The following ACBD6 variants were observed in gnomAD, a reference collection of about 807,000 sequenced individuals.
The protein encoded by ACBD6 is acyl-CoA-binding domain-containing protein 6.
Under a neutral mutation model 37.2 loss-of-function variants are expected in ACBD6, and 28 were observed. The observed-to-expected ratio is 0.75, with a 90% CI of 0.56 to 1.03. The LOEUF (loss-of-function observed/expected upper bound fraction) is 1.03. ACBD6 is among the 50% of genes least tolerant of loss of function. The pLI, the probability that ACBD6 is intolerant of heterozygous loss-of-function variation, is 0.00. For synonymous variants in ACBD6, 113 were observed against 126.8 expected (o/e 0.89, Z 0.73); for missense variants, 340 against 337.4 (o/e 1.01, Z -0.06).
intron 6 of ACBD6, among the ~76,000 whole-genome samples, chr1:180,363,432 G>C (rs1373481596): frequency 6.6e-6 from 1 of 152,182 alleles, no homozygotes; most frequent in African/African-American, 2.4e-5. Context: ...CAAAAGTATG[G>C]AAATTTTTCA....
At chr1:180,308,737 T>C (rs992889059) in intron 7 of ACBD6, among the ~76,000 whole-genome samples, 21 of 152,306 alleles carry the variant, frequency 1.4e-4, no homozygotes, top group East Asian at 1.3e-3. Context: ...CCAGGTTGCG[T>C]TGGCATTGAA....
chr1:180,413,648 A>G (rs970224658), intron 4 of ACBD6, among the ~76,000 whole-genome samples, 177 bp from the exon 5 acceptor site: 1 of 152,180 alleles, frequency 6.6e-6, no homozygotes, highest in African/African-American at 2.4e-5. Flanking sequence ...TGAAAAGACT[A>G]AAGTTCTTAG....
chr1:180,489,200 G>T (rs2102084322), intron 3 of ACBD6, among the ~76,000 whole-genome samples: 1 of 152,108 alleles, frequency 6.6e-6, no homozygotes, highest in South Asian at 2.1e-4. Context: ...CATTCAGAAT[G>T]AGTGTTGTTC....
chr1:180,368,397 A>G (rs1653129652), intron 6 of ACBD6, among the ~76,000 whole-genome samples: 1 of 151,996 alleles, frequency 6.6e-6, no homozygotes, highest in Non-Finnish European at 1.5e-5. Flanking sequence ...CCTATCTGTC[A>G]ATTTTTGCTT....
intron 1 of ACBD6, among the ~76,000 whole-genome samples, chr1:180,501,426 C>T (rs1189444883): frequency 1.3e-5 from 2 of 152,140 alleles, no homozygotes; most frequent in South Asian, 2.1e-4. Flanking sequence ...TCTTCGCTCA[C>T]CGCAACCTCC....
chr1:180,478,495 T>TC (rs199947892), intron 3 of ACBD6, among the ~76,000 whole-genome samples: 16 of 151,260 alleles, frequency 1.1e-4, no homozygotes, highest in African/African-American at 3.9e-4. Flanking sequence ...ATCTCTCTTT[T>TC]TTTTTTTTTT....
chr1:180,440,272 C>A (rs935124157), intron 3 of ACBD6, among the ~76,000 whole-genome samples: 1 of 152,044 alleles, frequency 6.6e-6, no homozygotes, highest in South Asian at 2.1e-4. Context: ...TGACACCCGA[C>A]TAATTTTTGC....
intron 3 of ACBD6, among the ~76,000 whole-genome samples, chr1:180,464,222 T>C (rs1468143432): frequency 6.6e-6 from 1 of 152,182 alleles, no homozygotes; most frequent in Non-Finnish European, 1.5e-5. Flanking sequence ...AGAAAGGGCA[T>C]TCAAATAGTA....
rs12096761 is a variant in ACBD6, at chr1:180,480,726, T to C, written c.384+11543A>G. ...TTTAACTTTAAAAAAAATCAGAAGA[T>C]GTCACTTAAAAAATGAGATTTCAGG... On this transcript the variant is annotated intron_variant, in intron 3 of 7. Coordinates refer to ENST00000367595, the MANE Select transcript of ACBD6 (RefSeq NM_032360.4). 7.1e-3 allele frequency among the ~76,000 whole-genome samples: 1,074 copies of C among 152,180 alleles called. 8 individuals carry two copies. Among genetic ancestry groups the C allele is most frequent in the African/African-American group, 0.024 (1,003 of 41,518 alleles).
At chr1:180,275,887 A>T (rs1423790704) in intron 9 of ACBD6, 3 of 152,260 alleles carry the variant, frequency 2.0e-5, no homozygotes, top group Non-Finnish European at 4.4e-5. Flanking sequence ...GCAGTAGCAA[A>T]TCACTAAGCC....
intron 6 of ACBD6, among the ~76,000 whole-genome samples, chr1:180,392,385 T>A (rs532099614): frequency 1.2e-3 from 185 of 152,228 alleles, no homozygotes; most frequent in African/African-American, 4.3e-3. Flanking sequence ...AGAAAAAACT[T>A]TATGTACAAT....
chr1:180,352,890 T>C (rs941288779), intron 6 of ACBD6, among the ~76,000 whole-genome samples: 7 of 152,232 alleles, frequency 4.6e-5, no homozygotes, highest in African/African-American at 7.2e-5. Flanking sequence ...TCCCAGAGAA[T>C]AGTGTACCTG....
intron 7 of ACBD6, among the ~76,000 whole-genome samples, chr1:180,303,694 C>T (rs1270985280): frequency 6.6e-6 from 1 of 150,784 alleles, no homozygotes; most frequent in African/African-American, 2.4e-5. Flanking sequence ...GGAGCTGGTA[C>T]CATTCCTTCT....
intron 6 of ACBD6, among the ~76,000 whole-genome samples, chr1:180,351,377 G>A (rs530736747): frequency 6.6e-6 from 1 of 151,622 alleles, no homozygotes; most frequent in Admixed American, 6.6e-5. Flanking sequence ...CTGGGTTCAA[G>A]CAATTCTCCT....
chr1:180,312,136 T>C (rs1021022242), intron 7 of ACBD6, among the ~76,000 whole-genome samples: 2 of 152,238 alleles, frequency 1.3e-5, no homozygotes, highest in Non-Finnish European at 2.9e-5. Context: ...GGAATTCTTA[T>C]GAAAATTCTC....
chr1:180,492,280 A>C lies in ACBD6; in HGVS notation c.373T>G (p.Trp125Gly). 1 of 1,613,810 alleles carries C rather than the reference A, an allele frequency of 6.2e-7. No individual in the cohort carries two copies. Among genetic ancestry groups the C allele is most frequent in the Non-Finnish European group, 8.5e-7 (1 of 1,179,716 alleles). The change falls in exon 3 of 8, where the codon TGG becomes GGG. Residue 125 changes from tryptophan (W) to glycine (G), a missense_variant. Trp to Gly is a radical substitution (Grantham distance 184). Coordinates refer to ENST00000367595, the MANE Select transcript of ACBD6 (RefSeq NM_032360.4). ...IAVVKKLDPGWNPQIPEKKGK... is the reference protein window; with the variant it reads ...IAVVKKLDPGGNPQIPEKKGK... ...TCATTAAGTCTTACCTGAGGATTCC[A>C]ACCTGGATCTAGTTTTTTAACTACT... is the stretch of plus-strand genomic sequence containing the variant.
chr1:180,474,108 A>C (rs1650681149), intron 3 of ACBD6, among the ~76,000 whole-genome samples: 1 of 152,218 alleles, frequency 6.6e-6, no homozygotes, highest in African/African-American at 2.4e-5. Flanking sequence ...ACCAATTCTT[A>C]CTGAATTAAA....
At chr1:180,443,985 C>G (rs1021506622) in intron 3 of ACBD6, among the ~76,000 whole-genome samples, 1 of 151,840 alleles carries the variant, frequency 6.6e-6, no homozygotes, top group Non-Finnish European at 1.5e-5. Context: ...ACTGTTTCAT[C>G]CAGAAATTTT....
At chr1:180,437,963 C>T (rs907243208) in intron 3 of ACBD6, among the ~76,000 whole-genome samples, 1 of 152,184 alleles carries the variant, frequency 6.6e-6, no homozygotes, top group Non-Finnish European at 1.5e-5. Flanking sequence ...TCCCCAACCC[C>T]TGGGCTGCAG....
Sources: allele counts gnomAD v4.1 joint callset (sites outside exome capture counted in the v4.1 genomes callset), GRCh38; gene constraint gnomAD v4.1.1; transcripts MANE v1.5; gene names NCBI Gene and HGNC (gene_info 2026-07-23, HGNC 2026-07-21).